Variants in PTPRD observed in about 807,000 individuals in gnomAD.
PTPRD encodes the protein receptor-type tyrosine-protein phosphatase delta.
A neutral mutation model predicts 214.5 loss-of-function variants in PTPRD; 34 were observed. That is an observed-to-expected ratio of 0.16 (90% CI 0.12 to 0.21). PTPRD has a LOEUF of 0.21. Among genes scored for constraint, PTPRD ranks in the 10% least tolerant of loss-of-function variants. The probability of loss-of-function intolerance (pLI) is 1.00; values close to 1 mark genes in which losing one functional copy is unlikely to be tolerated. For missense variants in PTPRD, 2,545 were observed against 2,398.7 expected, an observed-to-expected ratio of 1.06 and a Z score of -1.27; for synonymous variants, 1,128 against 845.7, an observed-to-expected ratio of 1.33 and a Z score of -5.79.
At chr9:8,843,588 T>G (rs1246924234) in intron 11 of PTPRD, among the ~76,000 whole-genome samples, 6 of 152,188 alleles carry the variant, frequency 3.9e-5, no homozygotes, top group African/African-American at 1.4e-4. Flanking sequence ...ATGAATGTGG[T>G]TTTAATTACA....
chr9:9,016,559 T>A (rs2099536186), intron 11 of PTPRD, among the ~76,000 whole-genome samples: 2 of 152,106 alleles, frequency 1.3e-5, no homozygotes, highest in African/African-American at 2.4e-5. Context: ...TAGAGGAATA[T>A]AAGGCACCCA....
intron 10 of PTPRD, among the ~76,000 whole-genome samples, chr9:9,154,269 C>A (rs555370121): frequency 1.9e-4 from 29 of 152,010 alleles, no homozygotes; most frequent in Non-Finnish European, 3.5e-4. Flanking sequence ...TGTTTGTTAC[C>A]GTCTTAGTCT....
At chr9:8,814,161 ATT>A (rs34645244) in intron 11 of PTPRD, among the ~76,000 whole-genome samples, 2 of 151,504 alleles carry the variant, frequency 1.3e-5, no homozygotes, top group Non-Finnish European at 2.9e-5. Context: ...TTATGCAAGT[ATT>A]TTTTTTTTAA....
In PTPRD at chr9:8,527,356, G is replaced by A. The variant is rs2074449141; in HGVS notation, c.542-3C>T. The A allele has an allele frequency of 6.2e-7, 1 of 1,606,054 alleles. No individual in the cohort carries two copies. Among genetic ancestry groups the A allele is most frequent in the South Asian group, 1.1e-5 (1 of 89,692 alleles). ...AACTAAGCACTTACCAATAGATTCT[G>A]GAGATTTAAATACGGAGAGAAGAAA... On this transcript the variant is annotated splice_polypyrimidine_tract_variant and splice_region_variant and intron_variant, in intron 15 of 45. Coordinates refer to ENST00000381196, the MANE Select transcript of PTPRD (RefSeq NM_002839.4).
At chr9:8,713,728 C>T in intron 12 of PTPRD, 1 of 1,504,368 alleles carries the variant, frequency 6.6e-7, no homozygotes. Flanking sequence ...GTGACGCCGG[C>T]AGGCTGTCAA....
In PTPRD at chr9:8,497,263, T is replaced by G. The variant is rs778423564; in HGVS notation, c.2328A>C (p.Glu776Asp). Residue 776 changes from glutamate (E) to aspartate (D), a missense_variant, in exon 26 of 46, where the codon GAA becomes GAC. By Grantham distance (45) the Glu-to-Asp change is conservative. Coordinates refer to ENST00000381196, the MANE Select transcript of PTPRD (RefSeq NM_002839.4). Reference protein sequence around the residue: ...KDVMLADAQWEFDDTTEHDMI... With the variant: ...KDVMLADAQWDFDDTTEHDMI... ...TCACATGTTCAGTAGTATCATCAAA[T>G]TCCCACTGATTGAGAATAAGAAGGT... The G allele has an allele frequency of 1.9e-6, 3 of 1,596,072 alleles. No homozygotes were observed. Among genetic ancestry groups the G allele is most frequent in the Non-Finnish European group, 2.6e-6 (3 of 1,173,412 alleles).
intron 8 of PTPRD, among the ~76,000 whole-genome samples, chr9:9,400,052 T>TAGG (rs200542188): frequency 0.021 from 3,215 of 151,630 alleles, 60 homozygotes; most frequent in Non-Finnish European, 0.032. Flanking sequence ...TATTTTGACT[T>TAGG]TCTTTAAAAA....
chr9:8,460,260 T>G (rs1313066625), intron 33 of PTPRD, 151 bp downstream of exon 33: 1 of 921,044 alleles, frequency 1.1e-6, no homozygotes, highest in African/African-American at 1.6e-5. Context: ...ATTTTGATCT[T>G]ACTGTAATGT....
intron 8 of PTPRD, among the ~76,000 whole-genome samples, chr9:9,510,449 T>G (rs79874099): frequency 0.033 from 4,961 of 151,728 alleles, 245 homozygotes; most frequent in African/African-American, 0.11. Flanking sequence ...GATTTCTTAA[T>G]AAGGAAATAT....
At chr9:8,920,509 C>T (rs1455392697) in intron 11 of PTPRD, among the ~76,000 whole-genome samples, 1 of 152,106 alleles carries the variant, frequency 6.6e-6, no homozygotes, top group African/African-American at 2.4e-5. Flanking sequence ...CTTTTGGCTT[C>T]CCTGGGCCAC....
intron 2 of PTPRD, among the ~76,000 whole-genome samples, chr9:10,461,323 T>A (rs1242471051): frequency 6.8e-6 from 1 of 147,160 alleles, no homozygotes; most frequent in African/African-American, 2.5e-5. Flanking sequence ...AGATTTCTAA[T>A]GAAATTAAAA....
intron 3 of PTPRD, among the ~76,000 whole-genome samples, chr9:10,287,107 G>A (rs1445470547): frequency 1.3e-5 from 2 of 152,334 alleles, no homozygotes; most frequent in East Asian, 1.9e-4. Context: ...ACTTACTGGT[G>A]AAGCCAAGGA....
chr9:8,792,836 CCT>C (rs2096280488), intron 11 of PTPRD, among the ~76,000 whole-genome samples: 2 of 152,020 alleles, frequency 1.3e-5, no homozygotes, highest in Non-Finnish European at 1.5e-5. Context: ...TTCTTCTCTC[CCT>C]CTTTTTTCTT....
intron 11 of PTPRD, among the ~76,000 whole-genome samples, chr9:8,827,476 G>C (rs965290646): frequency 6.6e-6 from 1 of 151,886 alleles, no homozygotes; most frequent in Non-Finnish European, 1.5e-5. Context: ...GTATGGTGGC[G>C]CACCCCTGTA....
chr9:10,512,168 G>C (rs1018262742), intron 2 of PTPRD, among the ~76,000 whole-genome samples: 10 of 86,566 alleles, frequency 1.2e-4, no homozygotes, highest in African/African-American at 4.0e-4. Context: ...TAGGCTGTTA[G>C]ATGTAGTTAC....
At chr9:8,636,516 T>C (rs1002024635) in intron 13 of PTPRD, among the ~76,000 whole-genome samples, 183 bp downstream of exon 13, 2 of 152,166 alleles carry the variant, frequency 1.3e-5, no homozygotes, top group Non-Finnish European at 2.9e-5. Flanking sequence ...AAATCAGCCC[T>C]TGAACCCCCA....
rs191912273 is a variant in PTPRD, at chr9:10,503,382, G to A, written c.-600+109016C>T. Among the ~76,000 whole-genome samples, 377 of 151,456 alleles carry A rather than the reference G, an allele frequency of 2.5e-3. 5 individuals carry two copies. Among genetic ancestry groups the A allele is most frequent in the Non-Finnish European group, 5.5e-4 (37 of 67,834 alleles). On this transcript the variant is annotated intron_variant, in intron 2 of 45. Coordinates refer to ENST00000381196, the MANE Select transcript of PTPRD (RefSeq NM_002839.4). ...AGTTCAAAGTGATTTAATTTTCAAT[G>A]GTAATAAATACCTTAATATTATCTA...
intron 3 of PTPRD, among the ~76,000 whole-genome samples, chr9:10,128,514 C>G (rs2098836287): frequency 6.6e-6 from 1 of 152,094 alleles, no homozygotes; most frequent in Non-Finnish European, 1.5e-5. Flanking sequence ...CCCTCATGGC[C>G]CTTAGAAGAA....
intron 4 of PTPRD, among the ~76,000 whole-genome samples, chr9:9,950,472 C>A (rs2093345659): frequency 1.0e-5 from 1 of 95,520 alleles, no homozygotes; most frequent in Non-Finnish European, 1.8e-5. Flanking sequence ...CGCCTGTAAT[C>A]CCAGCACTTT....
Sources: allele counts gnomAD v4.1 joint callset (sites outside exome capture counted in the v4.1 genomes callset), GRCh38; gene constraint gnomAD v4.1.1; transcripts MANE v1.5; gene names NCBI Gene and HGNC (gene_info 2026-07-23, HGNC 2026-07-21).